Variants in GALNTL6 observed in about 807,000 individuals in gnomAD.
GALNTL6 encodes polypeptide N-acetylgalactosaminyltransferase like 6, also known as polypeptide N-acetylgalactosaminyltransferase-like 6.
Under a neutral mutation model 73.7 loss-of-function variants are expected in GALNTL6, and 46 were observed. The observed-to-expected ratio is 0.62, with a 90% confidence interval of 0.49 to 0.80. The LOEUF is 0.80. Among genes scored for constraint, GALNTL6 ranks in the 30% least tolerant of loss-of-function variants. The pLI is 0.00. For synonymous variants in GALNTL6, 259 were observed against 263.7 expected, an observed-to-expected ratio of 0.98 and a Z score of 0.17; for missense variants, 604 against 755.0, an observed-to-expected ratio of 0.80 and a Z score of 2.34.
At chr4:172,720,313 A>T (rs1325938570) in intron 5 of GALNTL6, among the ~76,000 whole-genome samples, 1 of 152,112 alleles carries the variant, frequency 6.6e-6, no homozygotes, top group Non-Finnish European at 1.5e-5. Flanking sequence ...GGAAACAGGG[A>T]TCCTCCGCAA....
intron 5 of GALNTL6, among the ~76,000 whole-genome samples, chr4:172,405,339 A>G (rs1744170280): frequency 6.8e-6 from 1 of 147,264 alleles, no homozygotes; most frequent in African/African-American, 2.5e-5. Context: ...GTATATATAA[A>G]TATGTATATA....
intron 5 of GALNTL6, among the ~76,000 whole-genome samples, chr4:172,369,090 C>G (rs1392580686): frequency 2.0e-5 from 3 of 152,148 alleles, no homozygotes; most frequent in African/African-American, 7.2e-5. Context: ...TATGTGCCCC[C>G]CCCCACATCC....
In GALNTL6 at chr4:172,010,681, A is replaced by G. The variant is rs1740979730; in HGVS notation, c.138+195963A>G. Among the ~76,000 whole-genome samples the G allele has an allele frequency of 3.3e-5, 5 of 152,040 alleles. No individual in the cohort carries two copies. The South Asian group carries it at 1.0e-3, about 31-fold the overall frequency. ...TAGTTATTAACACTTACTAGCAACT[A>G]CTTTCCACAAGTCAGTAGCTAAGAG... On this transcript the variant is annotated intron_variant, in intron 2 of 12. Coordinates refer to ENST00000506823, the MANE Select transcript of GALNTL6 (RefSeq NM_001034845.3).
chr4:172,661,850 C>T (rs1731393742), intron 5 of GALNTL6, among the ~76,000 whole-genome samples: 1 of 152,144 alleles, frequency 6.6e-6, no homozygotes, highest in South Asian at 2.1e-4. Flanking sequence ...AGGGAGGCAA[C>T]AATGGTGAGT....
intron 2 of GALNTL6, among the ~76,000 whole-genome samples, chr4:171,908,502 T>C (rs1737371670): frequency 6.6e-6 from 1 of 152,112 alleles, no homozygotes; most frequent in Non-Finnish European, 1.5e-5. Context: ...AAACAAGTGC[T>C]GGAGAGGATG....
chr4:172,353,254 C>T (rs1394308374), intron 5 of GALNTL6, among the ~76,000 whole-genome samples: 1 of 152,092 alleles, frequency 6.6e-6, no homozygotes, highest in African/African-American at 2.4e-5. Context: ...TGCAGTGAGC[C>T]AAGATCGTGC....
intron 5 of GALNTL6, among the ~76,000 whole-genome samples, chr4:172,549,939 C>T (rs1735897326): frequency 6.6e-6 from 1 of 152,094 alleles, no homozygotes; most frequent in Non-Finnish European, 1.5e-5. Context: ...CTATAAATTG[C>T]TGTTTATCAC....
chr4:171,829,853 T>A (rs898292990), intron 2 of GALNTL6, among the ~76,000 whole-genome samples: 10 of 152,080 alleles, frequency 6.6e-5, no homozygotes, highest in African/African-American at 2.4e-4. Flanking sequence ...AGTATTATCT[T>A]ATTTGGAAAA....
At chr4:172,003,753 T>C (rs1740748095) in intron 2 of GALNTL6, among the ~76,000 whole-genome samples, 2 of 152,142 alleles carry the variant, frequency 1.3e-5, no homozygotes, top group African/African-American at 4.8e-5. Context: ...TGCCTTCAGC[T>C]GTCTTTTCAT....
At chr4:171,978,859 T>TAGAC (rs1233850798) in intron 2 of GALNTL6, among the ~76,000 whole-genome samples, 1 of 152,144 alleles carries the variant, frequency 6.6e-6, no homozygotes, top group African/African-American at 2.4e-5. Context: ...ATATTTTAGA[T>TAGAC]AGATGATAGA....
chr4:172,906,813 T>C (rs771781454), intron 8 of GALNTL6, among the ~76,000 whole-genome samples: 33 of 152,224 alleles, frequency 2.2e-4, no homozygotes, highest in Non-Finnish European at 4.3e-4. Flanking sequence ...CTCTCACATT[T>C]CAGAACCTTC....
chr4:173,017,075 C>A (rs961852808), intron 11 of GALNTL6, among the ~76,000 whole-genome samples: 1 of 152,138 alleles, frequency 6.6e-6, no homozygotes, highest in African/African-American at 2.4e-5. Flanking sequence ...TTTGCTTTAT[C>A]TTCTACCATG....
At chr4:172,933,740 CA>C (rs1748472078) in intron 9 of GALNTL6, among the ~76,000 whole-genome samples, 1 of 152,088 alleles carries the variant, frequency 6.6e-6, no homozygotes, top group Admixed American at 6.5e-5. Flanking sequence ...ACCATATCAT[CA>C]AAAATGAAGA....
intron 5 of GALNTL6, among the ~76,000 whole-genome samples, chr4:172,578,241 C>T (rs1737036641): frequency 6.6e-6 from 1 of 152,048 alleles, no homozygotes; most frequent in Non-Finnish European, 1.5e-5. Flanking sequence ...TTAAATATTT[C>T]CATGTTGTTG....
chr4:171,972,736 A>C (rs1279142853), intron 2 of GALNTL6, among the ~76,000 whole-genome samples: 1 of 152,144 alleles, frequency 6.6e-6, no homozygotes, highest in African/African-American at 2.4e-5. Flanking sequence ...GCTATCTATT[A>C]AATTGGAAAT....
At chr4:172,672,310 T>C (rs947358261) in intron 5 of GALNTL6, among the ~76,000 whole-genome samples, 2 of 152,190 alleles carry the variant, frequency 1.3e-5, no homozygotes, top group Admixed American at 6.5e-5. Flanking sequence ...ATGAAACACA[T>C]TTATTGATTT....
At chr4:172,638,453 C>T (rs552779974) in intron 5 of GALNTL6, among the ~76,000 whole-genome samples, 3 of 152,208 alleles carry the variant, frequency 2.0e-5, no homozygotes, top group African/African-American at 7.2e-5. Context: ...CATGAAGACC[C>T]CACAATTGCA....
intron 5 of GALNTL6, among the ~76,000 whole-genome samples, chr4:172,769,729 TAGAG>T (rs1174360215): frequency 6.6e-6 from 1 of 152,182 alleles, no homozygotes; most frequent in Non-Finnish European, 1.5e-5. Flanking sequence ...AATTCCCAAA[TAGAG>T]AGAAAAGGTT....
chr4:172,138,011 G>A (rs991021338), intron 2 of GALNTL6, among the ~76,000 whole-genome samples: 27 of 152,178 alleles, frequency 1.8e-4, no homozygotes, highest in African/African-American at 6.5e-4. Flanking sequence ...GTTGCCATGA[G>A]CAGATGAGCT....
Sources: allele counts gnomAD v4.1 joint callset (sites outside exome capture counted in the v4.1 genomes callset), GRCh38; gene constraint gnomAD v4.1.1; transcripts MANE v1.5; gene names NCBI Gene and HGNC (gene_info 2026-07-23, HGNC 2026-07-21).